PGR: variants seen among roughly 807,000 people sequenced by gnomAD.
PGR encodes progesterone receptor.
PGR carries 25 observed loss-of-function variants against 76.1 expected under a neutral mutation model. The ratio of observed to expected loss-of-function variants is 0.33; its 90% CI spans 0.24 to 0.46. The LOEUF is 0.46. PGR is among the 20% of genes least tolerant of loss of function. The pLI is 1.00. For synonymous variants in PGR, 579 were observed against 535.0 expected, an observed-to-expected ratio of 1.08 and a Z score of -1.14; for missense variants, 1,172 against 1,225.3, an observed-to-expected ratio of 0.96 and a Z score of 0.65.
intron 4 of PGR, among the ~76,000 whole-genome samples, chr11:101,055,096 A>G (rs1383157856): frequency 6.6e-6 from 1 of 152,094 alleles, no homozygotes; most frequent in Non-Finnish European, 1.5e-5. Context: ...GTTGTTATAT[A>G]TAACAAATTA....
chr11:101,105,146 A>G (rs986284137), intron 2 of PGR, among the ~76,000 whole-genome samples: 13 of 152,178 alleles, frequency 8.5e-5, no homozygotes, highest in Admixed American at 8.5e-4. Context: ...ATCAGAGTGC[A>G]GCAGAGTGCA....
intron 4 of PGR, among the ~76,000 whole-genome samples, chr11:101,057,883 T>C (rs933667284): frequency 6.6e-6 from 1 of 152,118 alleles, no homozygotes; most frequent in African/African-American, 2.4e-5. Context: ...TCAGTAGTTT[T>C]GTAGAGGGTC....
At position 101,031,594 on chromosome 11, in the gene PGR, T is replaced by C. The variant is rs914239501; in HGVS notation, c.*7522A>G. On this transcript the variant is annotated 3_prime_UTR_variant, in exon 8 of 8. Coordinates refer to ENST00000325455, the MANE Select transcript of PGR (RefSeq NM_000926.4). ...AATGTTCTACTGAGAATTTAGCTTT[T>C]TTTTTTTTTTTGGAGTGGGTATACC... 1.4e-5 allele frequency: 3 copies of C among 216,716 alleles called. No homozygotes were observed. Among genetic ancestry groups the C allele is most frequent in the African/African-American group, 6.8e-5 (3 of 44,398 alleles). 13.4% of individuals were successfully genotyped at this position (216,716 alleles called of 1,614,324 possible).
intron 3 of PGR, among the ~76,000 whole-genome samples, chr11:101,081,155 C>T (rs1011102708): frequency 2.6e-5 from 4 of 151,998 alleles, no homozygotes; most frequent in Admixed American, 1.3e-4. Flanking sequence ...ACTGGCTGGG[C>T]GTGGTGACTC....
chr11:101,072,705 C>A (rs1860983622), intron 3 of PGR, among the ~76,000 whole-genome samples: 1 of 152,060 alleles, frequency 6.6e-6, no homozygotes, highest in Non-Finnish European at 1.5e-5. Context: ...GACTTTAAAC[C>A]AACAAAGATC....
chr11:101,116,847 C>T (rs998076357), intron 2 of PGR, among the ~76,000 whole-genome samples: 5 of 151,580 alleles, frequency 3.3e-5, no homozygotes, highest in African/African-American at 1.2e-4. Context: ...CTCTCTATAC[C>T]TAGCAAGATC....
chr11:101,053,455 C>T (rs1480710005), intron 4 of PGR, among the ~76,000 whole-genome samples: 1 of 152,102 alleles, frequency 6.6e-6, no homozygotes, highest in African/African-American at 2.4e-5. Context: ...TTACCTTTTA[C>T]TGAGAAGGGA....
At chr11:101,060,052 C>A (rs1860437075) in intron 4 of PGR, among the ~76,000 whole-genome samples, 1 of 152,050 alleles carries the variant, frequency 6.6e-6, no homozygotes, top group African/African-American at 2.4e-5. Context: ...ACGCTGTCAC[C>A]TTTGTTATGA....
At chr11:101,106,854 G>T (rs1460440615) in intron 2 of PGR, among the ~76,000 whole-genome samples, 1 of 152,180 alleles carries the variant, frequency 6.6e-6, no homozygotes, top group Admixed American at 6.5e-5. Context: ...AGCAAATGTG[G>T]CACGTATACA....
Position 101,037,795 on chromosome 11 carries a change from G to A in PGR, c.*1321C>T, listed in dbSNP as rs757807912. 24 of 224,888 alleles carry A rather than the reference G, an allele frequency of 1.1e-4. No homozygotes were observed. The highest frequency in any genetic ancestry group is 1.9e-4 in the Non-Finnish European group (22 of 112,930). The allele number at this position is 224,888 out of a possible 1,614,324, so 13.9% of individuals were successfully genotyped here. ...GCAGAAATGTAACCAAAGAATGATC[G>A]AAATCTACAGTAATACCAAGACAGA... On this transcript the variant is annotated 3_prime_UTR_variant, in exon 8 of 8. Coordinates refer to ENST00000325455, the MANE Select transcript of PGR (RefSeq NM_000926.4).
chr11:101,111,191 T>C (rs1862331386), intron 2 of PGR, among the ~76,000 whole-genome samples: 1 of 152,182 alleles, frequency 6.6e-6, no homozygotes, highest in Non-Finnish European at 1.5e-5. Context: ...GTGCCTGGTA[T>C]ATAGTAAGGA....
At chr11:101,078,091 G>A (rs1305239182) in intron 3 of PGR, among the ~76,000 whole-genome samples, 1 of 152,032 alleles carries the variant, frequency 6.6e-6, no homozygotes, top group Non-Finnish European at 1.5e-5. Context: ...AGTGTAGGAG[G>A]AGAAAACAAA....
intron 3 of PGR, among the ~76,000 whole-genome samples, chr11:101,083,316 G>A (rs1272411151): frequency 2.6e-5 from 4 of 152,256 alleles, no homozygotes; most frequent in African/African-American, 9.6e-5. Flanking sequence ...TCTGCTTCAA[G>A]CGCAGAGACC....
chr11:101,062,954 G>C, intron 3 of PGR: 1 of 468,260 alleles, frequency 2.1e-6, no homozygotes, highest in South Asian at 2.7e-5. Flanking sequence ...AAAAATTTAG[G>C]CCTCAGACTT....
At chr11:101,081,889 A>T (rs1329227411) in intron 3 of PGR, among the ~76,000 whole-genome samples, 1 of 152,238 alleles carries the variant, frequency 6.6e-6, no homozygotes, top group Non-Finnish European at 1.5e-5. Flanking sequence ...TAAACAAGGG[A>T]TCAAAACCTC....
chr11:101,082,191 C>T (rs1861335292), intron 3 of PGR, among the ~76,000 whole-genome samples: 1 of 152,102 alleles, frequency 6.6e-6, no homozygotes, highest in Admixed American at 6.5e-5. Flanking sequence ...TGCCTTCCAC[C>T]ATGATTGTAA....
rs1859538580 is a variant in PGR, at chr11:101,037,047, A to G, written c.*2069T>C. On this transcript the variant is annotated 3_prime_UTR_variant, in exon 8 of 8. Coordinates refer to ENST00000325455, the MANE Select transcript of PGR (RefSeq NM_000926.4). ...ATTCTGAGAGGTGTCACTCTCACAG[A>G]GGTAGATTTCCTGTAACTATTATAT... is the stretch of plus-strand genomic sequence containing the variant. The G allele has an allele frequency of 5.2e-6, 1 of 192,762 alleles. No individual in the cohort carries two copies. The highest frequency in any genetic ancestry group is 1.9e-4 in the South Asian group (1 of 5,188). 11.9% of individuals were successfully genotyped at this position (192,762 alleles called of 1,614,324 possible).
At chr11:101,107,865 T>TAA (rs56355097) in intron 2 of PGR, among the ~76,000 whole-genome samples, 11 of 119,294 alleles carry the variant, frequency 9.2e-5, no homozygotes, top group Admixed American at 6.1e-4. Context: ...ACTGGCTTTG[T>TAA]AAAAAAAAAA....
At chr11:101,050,188 C>CTTTTAATAAGTTG in intron 5 of PGR, 129 bp from the exon 6 acceptor site, 1 of 890,748 alleles carries the variant, frequency 1.1e-6, no homozygotes, top group Non-Finnish European at 1.8e-6. Context: ...ATGACTACTA[C>CTTTTAATAAGTTG]TTTTAATAAA....
Sources: allele counts gnomAD v4.1 joint callset (sites outside exome capture counted in the v4.1 genomes callset), GRCh38; gene constraint gnomAD v4.1.1; transcripts MANE v1.5; gene names NCBI Gene and HGNC (gene_info 2026-07-23, HGNC 2026-07-21).